The following TRDN variants were observed in gnomAD, a reference collection of about 807,000 sequenced individuals.
TRDN encodes the protein triadin in skeletal muscle.
A neutral mutation model predicts 149.7 loss-of-function variants in TRDN; 161 were observed. The ratio of observed to expected loss-of-function variants is 1.08; its 90% CI spans 0.95 to 1.23. The LOEUF is 1.23. Ranked by LOEUF, TRDN falls within the 50% of genes most tolerant of loss-of-function variation. TRDN has a pLI of 0.00. For missense variants in TRDN, 896 were observed against 823.5 expected, an observed-to-expected ratio of 1.09 and a Z score of -1.08; for synonymous variants, 294 against 250.5, an observed-to-expected ratio of 1.17 and a Z score of -1.64.
chr6:123,362,762 G>A (rs1051652109), intron 20 of TRDN, among the ~76,000 whole-genome samples: 1 of 152,002 alleles, frequency 6.6e-6, no homozygotes, highest in Non-Finnish European at 1.5e-5. Flanking sequence ...TAAAACTTCA[G>A]GCCAGCTTAG....
At chr6:123,575,318 A>G (rs1388799182) in intron 1 of TRDN, among the ~76,000 whole-genome samples, 28 of 152,048 alleles carry the variant, frequency 1.8e-4, no homozygotes, top group Admixed American at 1.8e-3. Flanking sequence ...ATTACTGCAG[A>G]AGCCACACAG....
Position 123,433,162 on chromosome 6 carries a change from A to ATAATATAT in TRDN, c.1051+4900_1051+4901insATATATTA, listed in dbSNP as rs796874348. On this transcript the variant is annotated intron_variant, in intron 12 of 40. Coordinates refer to ENST00000334268, the MANE Select transcript of TRDN (RefSeq NM_006073.4). ...ATCATAAATATATATATATATATAT[A>ATAATATAT]ATATATATATATATATATATACATC... is the stretch of plus-strand genomic sequence containing the variant. Among the ~76,000 whole-genome samples, 31 of 80,030 alleles carry ATAATATAT rather than the reference A, an allele frequency of 3.9e-4. 3 individuals carry two copies. Among genetic ancestry groups the ATAATATAT allele is most frequent in the Non-Finnish European group, 5.7e-4 (23 of 40,028 alleles). The allele number at this position is 80,030 out of a possible 152,430, so 52.5% of individuals were successfully genotyped here. A position where few individuals can be genotyped will look rare whatever the true frequency, so the allele number is the denominator to read the frequency against.
intron 24 of TRDN, among the ~76,000 whole-genome samples, chr6:123,300,366 T>C (rs1464926111): frequency 6.6e-6 from 1 of 152,012 alleles, no homozygotes; most frequent in Non-Finnish European, 1.5e-5. Flanking sequence ...ATTAACAAGA[T>C]TAACTATCTG....
At chr6:123,473,196 A>G (rs1777276532) in intron 9 of TRDN, among the ~76,000 whole-genome samples, 1 of 150,638 alleles carries the variant, frequency 6.6e-6, no homozygotes, top group Non-Finnish European at 1.5e-5. Context: ...AAAACTTTGA[A>G]AAAAATTTAG....
chr6:123,359,380 G>A (rs1297692232), intron 20 of TRDN, among the ~76,000 whole-genome samples: 2 of 152,072 alleles, frequency 1.3e-5, no homozygotes, highest in Non-Finnish European at 2.9e-5. Flanking sequence ...TAACAAGCTT[G>A]GATTTTTATC....
At position 123,400,325 on chromosome 6, in the gene TRDN, C is replaced by T. The variant is rs561197667; in HGVS notation, c.1052-6648G>A. On this transcript the variant is annotated intron_variant, in intron 12 of 40. Transcript: ENST00000334268. ...GGCCTCTAATTTTGACAGTCCCCAA[C>T]ATTTTTGGCACCAGGGCCTGGTTTT... Among the ~76,000 whole-genome samples the T allele has an allele frequency of 2.0e-4, 31 of 151,836 alleles. No individual in the cohort carries two copies. In the South Asian group the frequency reaches 6.4e-3, roughly 32 times the overall value.
chr6:123,385,894 T>C (rs1014678274), intron 14 of TRDN, among the ~76,000 whole-genome samples: 2 of 152,148 alleles, frequency 1.3e-5, no homozygotes, highest in African/African-American at 2.4e-5. Flanking sequence ...TAGCTGATTA[T>C]AACTTCCCAA....
chr6:123,277,592 G>C (rs1480949642), intron 26 of TRDN, among the ~76,000 whole-genome samples: 1 of 152,088 alleles, frequency 6.6e-6, no homozygotes, highest in African/African-American at 2.4e-5. Flanking sequence ...AAGGGAGAAG[G>C]TTTCCATGTG....
intron 20 of TRDN, among the ~76,000 whole-genome samples, chr6:123,357,871 C>G (rs1002123834): frequency 6.6e-6 from 1 of 152,120 alleles, no homozygotes; most frequent in African/African-American, 2.4e-5. Context: ...GAAGGCTAGT[C>G]CCTTAAAGTG....
chr6:123,376,731 C>T (rs1781521680), intron 18 of TRDN, among the ~76,000 whole-genome samples: 1 of 152,082 alleles, frequency 6.6e-6, no homozygotes, highest in Non-Finnish European at 1.5e-5. Context: ...TGGATTCAAA[C>T]CTGTAGTTTT....
At chr6:123,224,206 G>C (rs1007597907) in intron 38 of TRDN, 75 bp from the exon 39 acceptor site, 6 of 1,446,290 alleles carry the variant, frequency 4.1e-6, no homozygotes, top group Non-Finnish European at 5.8e-6. Context: ...TGTATTTAAA[G>C]GTTTTTAAGA....
chr6:123,591,206 T>C (rs2114618723), intron 1 of TRDN, among the ~76,000 whole-genome samples: 1 of 152,168 alleles, frequency 6.6e-6, no homozygotes, highest in Non-Finnish European at 1.5e-5. Flanking sequence ...ATGGACACCA[T>C]TGTATTAACA....
intron 5 of TRDN, among the ~76,000 whole-genome samples, chr6:123,522,456 G>A (rs548761220): frequency 1.4e-5 from 2 of 148,036 alleles, no homozygotes; most frequent in Non-Finnish European, 3.0e-5. Context: ...AAAGCCAGAG[G>A]AAAATTAGAA....
intron 12 of TRDN, among the ~76,000 whole-genome samples, chr6:123,397,085 G>C (rs549951263): frequency 9.9e-5 from 15 of 151,690 alleles, no homozygotes; most frequent in Admixed American, 4.6e-4. Flanking sequence ...TTTAATTTTA[G>C]AATAAGTTGG....
At chr6:123,317,950 T>C (rs1217437196) in intron 23 of TRDN, among the ~76,000 whole-genome samples, 1 of 152,044 alleles carries the variant, frequency 6.6e-6, no homozygotes, top group East Asian at 1.9e-4. Context: ...GTTGCATTTA[T>C]ATTTTATTTT....
intron 12 of TRDN, among the ~76,000 whole-genome samples, chr6:123,422,936 G>A (rs1773971132): frequency 6.6e-6 from 1 of 152,092 alleles, no homozygotes; most frequent in African/African-American, 2.4e-5. Context: ...GAAAAAATTA[G>A]TAAAAAGGTG....
chr6:123,456,372 C>G (rs774078387), intron 10 of TRDN, among the ~76,000 whole-genome samples: 4 of 152,154 alleles, frequency 2.6e-5, no homozygotes, highest in Non-Finnish European at 5.9e-5. Flanking sequence ...TTAAAACAAA[C>G]TAGTAACACA....
At chr6:123,581,531 A>G (rs1430360572) in intron 1 of TRDN, among the ~76,000 whole-genome samples, 3 of 152,222 alleles carry the variant, frequency 2.0e-5, no homozygotes, top group African/African-American at 7.2e-5. Flanking sequence ...AAAAAGTGTC[A>G]TGTTAAATAA....
At chr6:123,223,131 C>CA (rs1417650180) in intron 39 of TRDN, among the ~76,000 whole-genome samples, 1 of 151,768 alleles carries the variant, frequency 6.6e-6, no homozygotes, top group African/African-American at 2.4e-5. Flanking sequence ...TTCAACCCAG[C>CA]AATCCCATTG....
Sources: allele counts gnomAD v4.1 joint callset (sites outside exome capture counted in the v4.1 genomes callset), GRCh38; gene constraint gnomAD v4.1.1; transcripts MANE v1.5; gene names NCBI Gene and HGNC (gene_info 2026-07-23, HGNC 2026-07-21).